Variants in SYNE2 observed in about 807,000 individuals in gnomAD.
The protein encoded by SYNE2 is nesprin-2.
In SYNE2, 431 loss-of-function variants were observed where a neutral mutation model predicts 856.3. The observed-to-expected ratio is 0.50, with a 90% confidence interval of 0.47 to 0.55. The LOEUF (loss-of-function observed/expected upper bound fraction) is 0.55, where lower values mean the gene tolerates loss of function less well. Among genes scored for constraint, SYNE2 ranks in the 20% least tolerant of loss-of-function variants. The pLI, the probability that SYNE2 is intolerant of heterozygous loss-of-function variation, is 0.00. For synonymous variants in SYNE2, 2,923 were observed against 2,872.3 expected (o/e 1.02, Z -0.56); for missense variants, 8,129 against 8,023.2 (o/e 1.01, Z -0.50).
chr14:63,929,102 C>A (rs941627808), intron 2 of SYNE2, among the ~76,000 whole-genome samples: 2 of 152,102 alleles, frequency 1.3e-5, no homozygotes, highest in African/African-American at 4.8e-5. Context: ...ATAGGACCAT[C>A]TTTTGTTCTA....
At chr14:64,203,671 TAGCTAAGTTTATCTTATTCTTTC>T (rs1469015463) in intron 100 of SYNE2, among the ~76,000 whole-genome samples, 1 of 152,222 alleles carries the variant, frequency 6.6e-6, no homozygotes, top group Non-Finnish European at 1.5e-5. Flanking sequence ...TTTTTTTAAA[TAGCTAAGTTTATCTTATTCTTTC>T]TTTAGCTTTT....
In SYNE2 at chr14:64,209,512, G is replaced by A. The variant is rs758369223; in HGVS notation, c.18474G>A (p.Thr6158=). ...FEDWLKSAER[T]AACPNSSEVL... is the part of the protein sequence containing the mutation. ...ACTGGCTCAAGTCAGCTGAGAGGACGGCAGCCTGCCCAAATTCCTCAGAGG... is the reference window on the plus strand; with the variant it reads ...ACTGGCTCAAGTCAGCTGAGAGGACAGCAGCCTGCCCAAATTCCTCAGAGG... Residue 6158 remains threonine (T), a synonymous_variant, in exon 102 of 116, where the codon ACG becomes ACA. Transcript: ENST00000555002. The A allele has an allele frequency of 1.3e-5, 21 of 1,614,180 alleles. No individual in the cohort carries two copies. The highest frequency in any genetic ancestry group is 2.2e-5 in the East Asian group (1 of 44,882).
chr14:64,103,645 C>T (rs898752817), intron 64 of SYNE2, among the ~76,000 whole-genome samples: 4 of 152,122 alleles, frequency 2.6e-5, no homozygotes, highest in Non-Finnish European at 5.9e-5. Flanking sequence ...CCTATACCTG[C>T]CTTGTCAGTC....
chr14:64,073,864 A>G lies in SYNE2; in HGVS notation c.10698-104A>G, dbSNP rs142921884. The G allele has an allele frequency of 1.9e-5, 24 of 1,236,048 alleles. No homozygotes were observed. The African/African-American group carries it at 2.8e-4, about 15-fold the overall frequency. 76.6% of individuals were successfully genotyped at this position (1,236,048 alleles called of 1,614,324 possible). ...TTCTTAGAGGAAATAACCATCCTTTAGTAGCTATTCAGGCATTTCATTAAT... is the reference window on the plus strand; with the variant it reads ...TTCTTAGAGGAAATAACCATCCTTTGGTAGCTATTCAGGCATTTCATTAAT... On this transcript the variant is annotated intron_variant, in intron 52 of 115. Coordinates refer to ENST00000555002, the MANE Select transcript of SYNE2 (RefSeq NM_182914.3).
chr14:64,199,316 A>G (rs2098552055), intron 99 of SYNE2, among the ~76,000 whole-genome samples: 1 of 152,138 alleles, frequency 6.6e-6, no homozygotes, highest in Non-Finnish European at 1.5e-5. Context: ...AGACCAGACT[A>G]CCCAGGTTAG....
chr14:64,094,113 A>C (rs2097655431), intron 61 of SYNE2, among the ~76,000 whole-genome samples: 1 of 151,996 alleles, frequency 6.6e-6, no homozygotes, highest in Non-Finnish European at 1.5e-5. Context: ...CGGGCAGATC[A>C]CAAGGTCAGG....
chr14:64,105,464 C>T (rs753426337), intron 64 of SYNE2, among the ~76,000 whole-genome samples: 1 of 152,064 alleles, frequency 6.6e-6, no homozygotes, highest in Non-Finnish European at 1.5e-5. Context: ...ATGCTAAATG[C>T]CTTATATATG....
chr14:63,986,352 G>A, intron 18 of SYNE2, 104 bp from the exon 19 acceptor site: 1 of 1,201,820 alleles, frequency 8.3e-7, no homozygotes, highest in Non-Finnish European at 1.2e-6. Flanking sequence ...CTCCTGCCCT[G>A]GCCTCCTAAA....
chr14:63,896,813 C>G (rs996647223), intron 1 of SYNE2, among the ~76,000 whole-genome samples: 1 of 152,188 alleles, frequency 6.6e-6, no homozygotes, highest in East Asian at 1.9e-4. Flanking sequence ...ATAATGGACT[C>G]CCTACTTAGA....
At chr14:64,071,216 C>T (rs530921069) in intron 52 of SYNE2, among the ~76,000 whole-genome samples, 3 of 152,090 alleles carry the variant, frequency 2.0e-5, no homozygotes, top group East Asian at 1.9e-4. Flanking sequence ...AAATTCAGGC[C>T]GAGCGCGGTG....
At chr14:63,773,080 T>C (rs1343402838) in intron 1 of SYNE2, among the ~76,000 whole-genome samples, 1 of 152,098 alleles carries the variant, frequency 6.6e-6, no homozygotes, top group Admixed American at 6.6e-5. Context: ...GCCCAGCCTA[T>C]ATTACATTTT....
rs895867198 is a variant in SYNE2 at position 64,225,863 on chromosome 14, T to C, written c.*337T>C. On this transcript the variant is annotated 3_prime_UTR_variant, in exon 116 of 116. Coordinates refer to ENST00000555002, the MANE Select transcript of SYNE2 (RefSeq NM_182914.3). Reference sequence around the variant, plus strand: ...AAACAGCATTATTATAATGTAGGTATGGTCAATGAGCAGTGGTGTCCATCA... The same window carrying C: ...AAACAGCATTATTATAATGTAGGTACGGTCAATGAGCAGTGGTGTCCATCA... The C allele has an allele frequency of 5.3e-6, 3 of 564,874 alleles. No individual in the cohort carries two copies. Among genetic ancestry groups the C allele is most frequent in the Non-Finnish European group, 9.5e-6 (3 of 316,166 alleles). The allele number at this position is 564,874 out of a possible 1,614,324, so 35.0% of individuals were successfully genotyped here.
chr14:63,913,671 C>A (rs1230707078), intron 2 of SYNE2, among the ~76,000 whole-genome samples: 1 of 151,578 alleles, frequency 6.6e-6, no homozygotes, highest in Non-Finnish European at 1.5e-5. Context: ...CCATGTTGGC[C>A]AGGTTGGTCT....
intron 79 of SYNE2, 64 bp downstream of exon 79, chr14:64,138,047 G>A: frequency 6.4e-7 from 1 of 1,550,720 alleles, no homozygotes; most frequent in Non-Finnish European, 8.7e-7. Flanking sequence ...CGGGGATTCT[G>A]TAGTCAACTA....
At chr14:63,873,167 TA>T (rs1474022206) in intron 1 of SYNE2, among the ~76,000 whole-genome samples, 1 of 152,242 alleles carries the variant, frequency 6.6e-6, no homozygotes, top group Admixed American at 6.5e-5. Flanking sequence ...TACATATAGC[TA>T]CTCATATTTG....
chr14:64,037,530 T>A lies in SYNE2; in HGVS notation c.7221+6173T>A, dbSNP rs915792748. 1.9e-4 allele frequency among the ~76,000 whole-genome samples: 29 copies of A among 152,116 alleles called. 1 individual carries two copies. Among genetic ancestry groups the A allele is most frequent in the South Asian group, 6.2e-4 (3 of 4,812 alleles). Reference sequence around the variant, plus strand: ...AACTGAAAAGTCTCCCATGTCTACTTCTTTCTACACAGACACGGCAACCAT... The same window carrying A: ...AACTGAAAAGTCTCCCATGTCTACTACTTTCTACACAGACACGGCAACCAT... On this transcript the variant is annotated intron_variant, in intron 45 of 115. Coordinates refer to ENST00000555002, the MANE Select transcript of SYNE2 (RefSeq NM_182914.3).
chr14:63,855,778 C>G (rs148392086), intron 1 of SYNE2, among the ~76,000 whole-genome samples: 1 of 152,288 alleles, frequency 6.6e-6, no homozygotes, highest in Non-Finnish European at 1.5e-5. Context: ...TCCTTCAGAA[C>G]TGTATCACAG....
At chr14:64,096,333 C>T (rs911015609) in intron 61 of SYNE2, among the ~76,000 whole-genome samples, 3 of 152,188 alleles carry the variant, frequency 2.0e-5, no homozygotes, top group Non-Finnish European at 4.4e-5. Flanking sequence ...TAGTTTTACC[C>T]ACCATTGCTT....
At chr14:63,964,649 C>T (rs905829235) in intron 10 of SYNE2, among the ~76,000 whole-genome samples, 11 of 152,046 alleles carry the variant, frequency 7.2e-5, no homozygotes, top group Non-Finnish European at 1.0e-4. Flanking sequence ...CTCAGCTTTC[C>T]GAGTAGCTGA....
Sources: gnomAD v4.1 joint callset for allele counts (sites outside exome capture counted in the v4.1 genomes callset) on GRCh38, gnomAD v4.1.1 for gene constraint, MANE v1.5 for transcripts, NCBI Gene and HGNC (gene_info 2026-07-23, HGNC 2026-07-21) for gene names.